FGGY: variants seen among roughly 807,000 people sequenced by gnomAD.
The protein encoded by FGGY is FGGY carbohydrate kinase domain-containing protein.
FGGY carries 72 observed loss-of-function variants against 71.3 expected under a neutral mutation model. The ratio of observed to expected loss-of-function variants is 1.01; its 90% CI spans 0.84 to 1.23. The LOEUF (loss-of-function observed/expected upper bound fraction) is 1.23, where lower values mean the gene tolerates loss of function less well. Among genes scored for constraint, FGGY ranks in the 50% most tolerant of loss-of-function variants. The pLI, the probability that FGGY is intolerant of heterozygous loss-of-function variation, is 0.00. For missense variants in FGGY, 668 were observed against 682.3 expected (o/e 0.98, Z 0.23); for synonymous variants, 251 against 250.3 (o/e 1.00, Z -0.02).
At chr1:59,599,428 C>T (rs2096555067) in intron 8 of FGGY, among the ~76,000 whole-genome samples, 1 of 151,968 alleles carries the variant, frequency 6.6e-6, no homozygotes, top group Admixed American at 6.6e-5. Context: ...GGTGCAGTGG[C>T]TCATGCCTGT....
chr1:59,486,783 A>T lies in FGGY; in HGVS notation c.671-25528A>T, dbSNP rs538503139. ...TGGTGAAATCCCATCAAAATGGAGG[A>T]TATGGTTCCAAAGTCAGTGCATACT... On this transcript the variant is annotated intron_variant, in intron 6 of 15. Transcript: ENST00000303721. 4.6e-5 allele frequency among the ~76,000 whole-genome samples: 7 copies of T among 152,306 alleles called. No homozygotes were observed. In the South Asian group the frequency reaches 1.4e-3, roughly 32 times the overall value.
chr1:59,512,632 T>C (rs2094546029), intron 7 of FGGY, among the ~76,000 whole-genome samples, 193 bp downstream of exon 7: 1 of 152,336 alleles, frequency 6.6e-6, no homozygotes, highest in Admixed American at 6.5e-5. Flanking sequence ...ATAAAATTTA[T>C]TTATAATTGT....
chr1:59,462,258 T>G (rs562097210), intron 6 of FGGY, among the ~76,000 whole-genome samples: 15 of 152,260 alleles, frequency 9.9e-5, no homozygotes, highest in East Asian at 7.7e-4. Flanking sequence ...TAGCCATATG[T>G]AGAAAGCTGA....
intron 4 of FGGY, among the ~76,000 whole-genome samples, chr1:59,350,215 A>G (rs2153223717): frequency 6.6e-6 from 1 of 152,286 alleles, no homozygotes; most frequent in East Asian, 1.9e-4. Context: ...ACTATGAACC[A>G]GCAACTGTGA....
intron 4 of FGGY, among the ~76,000 whole-genome samples, chr1:59,360,191 C>G (rs888043073): frequency 6.7e-6 from 1 of 150,372 alleles, no homozygotes; most frequent in Non-Finnish European, 1.5e-5. Flanking sequence ...TGGTCCTGGA[C>G]TATCACCAGT....
intron 14 of FGGY, among the ~76,000 whole-genome samples, chr1:59,735,205 C>A (rs553208662): frequency 6.6e-6 from 1 of 152,148 alleles, no homozygotes; most frequent in African/African-American, 2.4e-5. Context: ...CAACCCCACC[C>A]CACTGACTGC....
chr1:59,346,352 T>A lies in FGGY; in HGVS notation c.419T>A (p.Val140Glu), dbSNP rs550850683. Residue 140 changes from valine (V) to glutamate (E), a missense_variant, in exon 4 of 16, where the codon GTG becomes GAG. By Grantham distance (121) the Val-to-Glu change is moderately radical. Transcript: ENST00000303721. ...KHSVLQYVGG[V>E]MSVEMQAPKL... ...AGTGTCCTCCAGTACGTCGGGGGGG[T>A]GATGTCTGTGGAAATGCAGGCCCCG... 1.3e-4 allele frequency: 212 copies of A among 1,610,284 alleles called. 4 individuals carry two copies. In the South Asian group the frequency reaches 2.2e-3, roughly 17 times the overall value.
chr1:59,366,288 C>T (rs894129895), intron 4 of FGGY, among the ~76,000 whole-genome samples: 2 of 152,134 alleles, frequency 1.3e-5, no homozygotes, highest in Non-Finnish European at 2.9e-5. Context: ...TATGATGTTA[C>T]CGTTAAACAA....
At chr1:59,673,795 C>T in intron 13 of FGGY, 1 of 428,184 alleles carries the variant, frequency 2.3e-6, no homozygotes, top group Non-Finnish European at 4.3e-6. Context: ...ACTGAGGTCT[C>T]GTGAGTTGAT....
rs115439965 is a variant in FGGY, at chr1:59,562,604, C to T, written c.903+8377C>T. On this transcript the variant is annotated intron_variant, in intron 8 of 15. Transcript: ENST00000303721. ...GGTAGATGTAAGTTTTAAGAAACTG[C>T]CAAACTGTTTTCCAAAGTCACTGTA... Among the ~76,000 whole-genome samples, 259 of 152,264 alleles carry T rather than the reference C, an allele frequency of 1.7e-3. 3 individuals are homozygous for T. The highest frequency in any genetic ancestry group is 6.0e-3 in the African/African-American group (249 of 41,558).
At chr1:59,484,066 G>A (rs966995916) in intron 6 of FGGY, among the ~76,000 whole-genome samples, 7 of 152,108 alleles carry the variant, frequency 4.6e-5, no homozygotes, top group Non-Finnish European at 1.0e-4. Flanking sequence ...AACCAATGAG[G>A]TACAGGTACC....
At chr1:59,438,941 T>C (rs2069126529) in intron 5 of FGGY, among the ~76,000 whole-genome samples, 1 of 152,198 alleles carries the variant, frequency 6.6e-6, no homozygotes, top group African/African-American at 2.4e-5. Context: ...ATATACACGG[T>C]TCTGCATCTT....
At chr1:59,640,343 G>A (rs1251358962) in intron 11 of FGGY, among the ~76,000 whole-genome samples, 1 of 152,130 alleles carries the variant, frequency 6.6e-6, no homozygotes, top group East Asian at 1.9e-4. Flanking sequence ...TAATGACCCT[G>A]AAATTCTTCT....
chr1:59,544,499 C>A (rs1315375052), intron 7 of FGGY, among the ~76,000 whole-genome samples: 4 of 152,092 alleles, frequency 2.6e-5, no homozygotes, highest in African/African-American at 9.7e-5. Flanking sequence ...GTTTAATGAC[C>A]TGCTTTAGGG....
At chr1:59,499,988 C>A (rs1336752763) in intron 6 of FGGY, among the ~76,000 whole-genome samples, 1 of 151,850 alleles carries the variant, frequency 6.6e-6, no homozygotes, top group Non-Finnish European at 1.5e-5. Context: ...ACACAAAGAC[C>A]CTAGTCATTT....
At chr1:59,328,725 C>T (rs1011830875) in intron 2 of FGGY, among the ~76,000 whole-genome samples, 1 of 151,816 alleles carries the variant, frequency 6.6e-6, no homozygotes, top group African/African-American at 2.4e-5. Flanking sequence ...GAGACTATGA[C>T]TCCTTCTTTC....
chr1:59,721,333 C>CTTTTTTTTTTTTTTTT (rs1193468922), intron 14 of FGGY, among the ~76,000 whole-genome samples: 1 of 68,588 alleles, frequency 1.5e-5, no homozygotes. Flanking sequence ...CTTTTCTTTC[C>CTTTTTTTTTTTTTTTT]TTTGTTTTTT....
chr1:59,712,436 G>A (rs944762617), intron 14 of FGGY, among the ~76,000 whole-genome samples: 11 of 152,142 alleles, frequency 7.2e-5, no homozygotes, highest in East Asian at 1.9e-4. Context: ...TCCACTAGGC[G>A]GTACCCCAGT....
intron 8 of FGGY, among the ~76,000 whole-genome samples, chr1:59,585,747 G>A (rs562012961): frequency 6.6e-6 from 1 of 152,246 alleles, no homozygotes; most frequent in East Asian, 1.9e-4. Flanking sequence ...TACAGAATGG[G>A]AGAAAATATT....
Sources: gnomAD v4.1 joint callset for allele counts (sites outside exome capture counted in the v4.1 genomes callset) on GRCh38, gnomAD v4.1.1 for gene constraint, MANE v1.5 for transcripts, NCBI Gene and HGNC (gene_info 2026-07-23, HGNC 2026-07-21) for gene names.